PCDHGA8: variants seen among roughly 807,000 people sequenced by gnomAD.
The protein encoded by PCDHGA8 is protocadherin gamma subfamily A, 8, also known as protocadherin gamma-A8.
Under a neutral mutation model 59.2 loss-of-function variants are expected in PCDHGA8, and 45 were observed. That is an observed-to-expected ratio of 0.76 (90% CI 0.60 to 0.98). The LOEUF (loss-of-function observed/expected upper bound fraction) is 0.98, where lower values mean the gene tolerates loss of function less well. Ranked by LOEUF, PCDHGA8 falls within the 50% of genes least tolerant of loss-of-function variation. The pLI is 0.00. For synonymous variants in PCDHGA8, 531 were observed against 519.0 expected, an observed-to-expected ratio of 1.02 and a Z score of -0.32; for missense variants, 1,257 against 1,196.2, an observed-to-expected ratio of 1.05 and a Z score of -0.75.
At position 141,408,464 on chromosome 5, in the gene PCDHGA8, A is replaced by G. The variant is rs764186219; in HGVS notation, c.2424+13227A>G. ...GGAGAGCGGGGACTTACTTGTGAAG[A>G]ACCGAATAGACCGTGAGCAAATATG... On this transcript the variant is annotated intron_variant, in intron 1 of 3. Coordinates refer to ENST00000398604, the MANE Select transcript of PCDHGA8 (RefSeq NM_032088.2). The G allele has an allele frequency of 3.8e-5, 61 of 1,613,880 alleles. No homozygotes were observed. Among genetic ancestry groups the G allele is most frequent in the South Asian group, 1.4e-4 (13 of 91,024 alleles).
In PCDHGA8 at chr5:141,491,737, G is replaced by A; in HGVS notation, c.2425-3070G>A. The A allele has an allele frequency of 6.2e-7, 1 of 1,600,586 alleles. No homozygotes were observed. Among genetic ancestry groups the A allele is most frequent in the Non-Finnish European group, 8.5e-7 (1 of 1,174,266 alleles). On this transcript the variant is annotated intron_variant, in intron 1 of 3. Coordinates refer to ENST00000398604, the MANE Select transcript of PCDHGA8 (RefSeq NM_032088.2). This position sits in a 1 kb window ranked among gnomAD's most constrained non-coding sequence, Gnocchi z 6.9. ...GGCGCCGCCCCGGGCGACCCCTGGG[G>A]GCGGCACTGGAGAAGCCGCCCGTCC...
intron 1 of PCDHGA8, chr5:141,398,504 T>C: frequency 6.2e-7 from 1 of 1,611,098 alleles, no homozygotes; most frequent in Admixed American, 1.7e-5. Flanking sequence ...ATCGAGGACA[T>C]TAATGACCAC....
At chr5:141,419,354 C>T in intron 1 of PCDHGA8, 3 of 1,613,828 alleles carry the variant, frequency 1.9e-6, no homozygotes, top group Non-Finnish European at 1.7e-6. Flanking sequence ...CCTGGAGTCA[C>T]GAACGCTGTC....
chr5:141,414,908 G>A (rs758472270), intron 1 of PCDHGA8: 19 of 1,614,188 alleles, frequency 1.2e-5, no homozygotes, highest in Non-Finnish European at 1.6e-5. Flanking sequence ...GGTTCCACAG[G>A]CGTGGAGCTG....
At chr5:141,473,228 A>T (rs549587219) in intron 1 of PCDHGA8, among the ~76,000 whole-genome samples, 1 of 152,296 alleles carries the variant, frequency 6.6e-6, no homozygotes, top group African/African-American at 2.4e-5. Context: ...GGGAGATTGG[A>T]TCCACACAAG....
intron 1 of PCDHGA8, chr5:141,400,271 C>G: frequency 1.2e-6 from 2 of 1,614,094 alleles, no homozygotes; most frequent in Non-Finnish European, 1.7e-6. Flanking sequence ...CGACGCTCCT[C>G]CAGCCCTGCC....
chr5:141,453,721 A>G (rs373983847), intron 1 of PCDHGA8, among the ~76,000 whole-genome samples: 4 of 152,244 alleles, frequency 2.6e-5, no homozygotes, highest in East Asian at 1.9e-4. Flanking sequence ...CTATAAAAAT[A>G]TTTGTTACTA....
intron 1 of PCDHGA8, among the ~76,000 whole-genome samples, chr5:141,459,721 T>C (rs2098973915): frequency 6.6e-6 from 1 of 152,246 alleles, no homozygotes. Context: ...CAATGCTTCC[T>C]ATTGTCAATT....
chr5:141,399,396 G>A (rs2093799031), intron 1 of PCDHGA8: 1 of 1,613,842 alleles, frequency 6.2e-7, no homozygotes, highest in African/African-American at 1.3e-5. Flanking sequence ...CCACAGACAG[G>A]GGCAAGCCGC....
chr5:141,403,527 C>G lies in PCDHGA8; in HGVS notation c.2424+8290C>G. The G allele has an allele frequency of 3.1e-6, 5 of 1,614,022 alleles. No homozygotes were observed. The South Asian group carries it at 5.5e-5, about 18-fold the overall frequency. The stretch of plus-strand genomic sequence containing the variant: ...ACTGGAGACAATGGAGCCATAAACC[C>G]AGAGCTGGTGCTGGAGCGCGCCCTG... On this transcript the variant is annotated intron_variant, in intron 1 of 3. Coordinates refer to ENST00000398604, the MANE Select transcript of PCDHGA8 (RefSeq NM_032088.2).
At chr5:141,407,889 G>T (rs1378600394) in intron 1 of PCDHGA8, 1 of 389,100 alleles carries the variant, frequency 2.6e-6, no homozygotes, top group Non-Finnish European at 4.6e-6. Context: ...TTCGGAGACC[G>T]AATTCAAAAT....
intron 2 of PCDHGA8, among the ~76,000 whole-genome samples, chr5:141,504,968 C>A (rs1377016827): frequency 1.3e-5 from 2 of 152,206 alleles, no homozygotes; most frequent in East Asian, 3.9e-4. Context: ...ATTGGACCAG[C>A]CTGGCCAACA....
In PCDHGA8 at chr5:141,413,412, C is replaced by T. The variant is rs747352426; in HGVS notation, c.2424+18175C>T. ...TCTCCAGAGGTAGGACGCAGCTTTT[C>T]TCTCTGAACCCGCGCAGCGGCAGCT... On this transcript the variant is annotated intron_variant, in intron 1 of 3. Transcript: ENST00000398604. 5.6e-6 allele frequency: 9 copies of T among 1,613,954 alleles called. No individual in the cohort carries two copies. The African/African-American group carries it at 1.2e-4, about 22-fold the overall frequency.
chr5:141,419,605 G>A, intron 1 of PCDHGA8: 1 of 1,611,776 alleles, frequency 6.2e-7, no homozygotes, highest in Non-Finnish European at 8.5e-7. Flanking sequence ...CGCGGGCCGC[G>A]CAGCCAGGCT....
chr5:141,436,383 G>A (rs1374382672), intron 1 of PCDHGA8, among the ~76,000 whole-genome samples: 1 of 152,104 alleles, frequency 6.6e-6, no homozygotes, highest in Admixed American at 6.5e-5. Flanking sequence ...AGCTGAATAG[G>A]CTTTATTAAA....
intron 1 of PCDHGA8, among the ~76,000 whole-genome samples, chr5:141,438,263 A>G (rs2097944986): frequency 6.6e-6 from 1 of 152,144 alleles, no homozygotes; most frequent in South Asian, 2.1e-4. Flanking sequence ...AAGAGACCAT[A>G]GAATCAAACA....
rs956295940 is a variant in PCDHGA8 at position 141,477,700 on chromosome 5, G to T, written c.2425-17107G>T. The T allele has an allele frequency of 1.2e-6, 2 of 1,613,954 alleles. No individual in the cohort carries two copies. Among genetic ancestry groups the T allele is most frequent in the African/African-American group, 2.7e-5 (2 of 74,928 alleles). On this transcript the variant is annotated intron_variant, in intron 1 of 3. Coordinates refer to ENST00000398604, the MANE Select transcript of PCDHGA8 (RefSeq NM_032088.2). This position sits in a 1 kb window ranked among gnomAD's most constrained non-coding sequence, Gnocchi z 4.9. ...CATCCTTAGTGCCCCTAGACTATGAGGATCGGCGGGAATTTGAATTAACAG... is the reference window on the plus strand; with the variant it reads ...CATCCTTAGTGCCCCTAGACTATGATGATCGGCGGGAATTTGAATTAACAG...
intron 1 of PCDHGA8, among the ~76,000 whole-genome samples, chr5:141,444,152 ATTTTTTTTTTTT>A (rs747671382): frequency 5.9e-4 from 20 of 33,896 alleles, no homozygotes; most frequent in African/African-American, 1.8e-3. Flanking sequence ...TGTGTACTGG[ATTTTTTTTTTTT>A]TTTTTTTTTT....
intron 1 of PCDHGA8, among the ~76,000 whole-genome samples, chr5:141,449,630 T>C (rs1006977026): frequency 6.7e-6 from 1 of 150,024 alleles, no homozygotes; most frequent in South Asian, 2.1e-4. Flanking sequence ...TTTAAAAAGA[T>C]GTATCTATAT....
Sources: gnomAD v4.1 joint callset for allele counts (sites outside exome capture counted in the v4.1 genomes callset) on GRCh38, gnomAD v4.1.1 for gene constraint, Gnocchi (gnomAD v3.1) non-coding constraint, MANE v1.5 for transcripts, NCBI Gene and HGNC (gene_info 2026-07-23, HGNC 2026-07-21) for gene names.